USP39: variants seen among roughly 807,000 people sequenced by gnomAD.
USP39 encodes the protein ubiquitin specific peptidase 39, also known as ubiquitin carboxyl-terminal hydrolase 39.
A neutral mutation model predicts 66.4 loss-of-function variants in USP39; 38 were observed. The ratio of observed to expected loss-of-function variants is 0.57; its 90% CI spans 0.44 to 0.75. The LOEUF is 0.75. Among genes scored for constraint, USP39 ranks in the 30% least tolerant of loss-of-function variants. USP39 has a pLI of 0.00. For synonymous variants in USP39, 303 were observed against 274.6 expected (o/e 1.10, Z -1.02); for missense variants, 608 against 714.4 (o/e 0.85, Z 1.70).
intron 4 of USP39, among the ~76,000 whole-genome samples, chr2:85,624,309 C>T (rs552053945): frequency 4.6e-5 from 7 of 151,310 alleles, no homozygotes; most frequent in East Asian, 1.9e-4. Context: ...CTTTTCAGCA[C>T]GTGGGGTGTA....
intron 1 of USP39, 45 bp from the exon 2 acceptor site, chr2:85,619,175 G>A (rs1327469402): frequency 6.2e-7 from 1 of 1,604,246 alleles, no homozygotes; most frequent in East Asian, 2.2e-5. Context: ...TTGGCCCTGA[G>A]TATAGGTTTC....
upstream of USP39, chr2:85,611,734 G>T: frequency 1.2e-6 from 2 of 1,608,710 alleles, no homozygotes; most frequent in Non-Finnish European, 1.7e-6. Flanking sequence ...GGCGTGTGCC[G>T]CCTCCTCACC....
At chr2:85,614,135 T>C (rs961413128), upstream of USP39, among the ~76,000 whole-genome samples, 2 of 152,148 alleles carry the variant, frequency 1.3e-5, no homozygotes. Context: ...GGGATCCCTA[T>C]TCAGACCCCA....
intron 8 of USP39, 90 bp downstream of exon 8, chr2:85,637,526 C>T: frequency 7.2e-7 from 1 of 1,392,872 alleles, no homozygotes; most frequent in Admixed American, 1.8e-5. Context: ...ACTGACAAGC[C>T]TGCTTGCCCT....
At chr2:85,645,679 A>G (rs1676590543) in intron 11 of USP39, 1 of 152,340 alleles carries the variant, frequency 6.6e-6, no homozygotes, top group South Asian at 2.1e-4. Flanking sequence ...TATATATTTT[A>G]CAACACGAAG....
intron 1 of USP39, among the ~76,000 whole-genome samples, chr2:85,605,148 G>A (rs1673171564): frequency 1.3e-5 from 2 of 152,068 alleles, no homozygotes. Flanking sequence ...CAAAGCAAGA[G>A]ATGAGATTTC....
chr2:85,648,973 G>A lies in USP39; in HGVS notation c.*165G>A. The A allele has an allele frequency of 1.4e-6, 1 of 730,750 alleles. No individual in the cohort carries two copies. The highest frequency in any genetic ancestry group is 2.4e-6 in the Non-Finnish European group (1 of 419,874). The allele number at this position is 730,750 out of a possible 1,614,324, so 45.3% of individuals were successfully genotyped here. Reference sequence around the variant, plus strand: ...ACCAAGAGCCCACTTGCCTGGGATGGCCCCACACTGTCACTCAGCTGTTCT... The same window carrying A: ...ACCAAGAGCCCACTTGCCTGGGATGACCCCACACTGTCACTCAGCTGTTCT... On this transcript the variant is annotated 3_prime_UTR_variant, in exon 13 of 13. Transcript: ENST00000323701.
intron 2 of USP39, among the ~76,000 whole-genome samples, chr2:85,620,349 C>T (rs1326770775): frequency 6.6e-6 from 1 of 151,690 alleles, no homozygotes; most frequent in Non-Finnish European, 1.5e-5. Context: ...TGTGGTGGTG[C>T]ACTCCTGTAG....
chr2:85,604,799 A>T, intron 1 of USP39, among the ~76,000 whole-genome samples: 1 of 152,188 alleles, frequency 6.6e-6, no homozygotes, highest in Non-Finnish European at 1.5e-5. Flanking sequence ...TTAACACTAT[A>T]TCTTCTTGAG....
At chr2:85,613,121 A>G (rs13033295), upstream of USP39, among the ~76,000 whole-genome samples, 2 of 152,148 alleles carry the variant, frequency 1.3e-5, no homozygotes, top group Non-Finnish European at 2.9e-5. Flanking sequence ...AAACTTTGGG[A>G]TGCCGAAGTG....
At chr2:85,647,668 A>AC (rs972902232) in intron 11 of USP39, among the ~76,000 whole-genome samples, 6 of 151,812 alleles carry the variant, frequency 4.0e-5, no homozygotes, top group African/African-American at 1.5e-4. Context: ...CAAAAAAAAA[A>AC]AAAAACAAAA....
chr2:85,648,264 C>G lies in USP39; in HGVS notation c.1650+248C>G, dbSNP rs79997247. ...TGAGCAAAGAAAGTTGCGATTATGG[C>G]CAGGTTAGTTTTGCAGAAGTGTGCG... On this transcript the variant is annotated intron_variant, in intron 12 of 12. Transcript: ENST00000323701. Among the ~76,000 whole-genome samples the G allele has an allele frequency of 3.2e-4, 49 of 152,198 alleles. 1 individual carries two copies. The East Asian group carries it at 8.3e-3, about 26-fold the overall frequency.
chr2:85,616,611 T>A, intron 1 of USP39, 148 bp downstream of exon 1: 1 of 1,307,466 alleles, frequency 7.6e-7, no homozygotes, highest in South Asian at 1.7e-5. Context: ...GACTCGACGA[T>A]TCTGCTGTTC....
intron 1 of USP39, among the ~76,000 whole-genome samples, chr2:85,618,390 C>T (rs959180241): frequency 1.3e-5 from 2 of 151,776 alleles, no homozygotes; most frequent in Admixed American, 6.5e-5. Context: ...GGTGAAACCC[C>T]GTCTCTTCTA....
At chr2:85,646,426 A>G (rs549646726) in intron 11 of USP39, among the ~76,000 whole-genome samples, 1 of 152,328 alleles carries the variant, frequency 6.6e-6, no homozygotes, top group South Asian at 2.1e-4. Context: ...CACCTCCAAG[A>G]CAGATGTCAG....
intron 10 of USP39, among the ~76,000 whole-genome samples, chr2:85,643,143 A>T (rs1676371867): frequency 1.3e-5 from 2 of 151,934 alleles, no homozygotes; most frequent in Non-Finnish European, 2.9e-5. Context: ...TAAACGTAGT[A>T]TTTCTCTTTT....
intron 5 of USP39, among the ~76,000 whole-genome samples, chr2:85,629,157 G>A (rs1029015094): frequency 6.6e-6 from 1 of 151,058 alleles, no homozygotes; most frequent in South Asian, 2.2e-4. Context: ...TCTGCCTCCC[G>A]GGTCTAAGTG....
intron 2 of USP39, chr2:85,621,258 A>G (rs1343756627): frequency 1.4e-5 from 6 of 433,804 alleles, no homozygotes; most frequent in Non-Finnish European, 2.5e-5. Flanking sequence ...ACTAATGAGA[A>G]AGAGGCTCGT....
upstream of USP39, chr2:85,616,156 T>G (rs1404599653): frequency 1.4e-6 from 2 of 1,398,456 alleles, no homozygotes; most frequent in Non-Finnish European, 1.9e-6. Context: ...CGCTCGAGCG[T>G]GCTTGGCGCC....
Sources: allele counts gnomAD v4.1 joint callset (sites outside exome capture counted in the v4.1 genomes callset), GRCh38; gene constraint gnomAD v4.1.1; transcripts MANE v1.5; gene names NCBI Gene and HGNC (gene_info 2026-07-23, HGNC 2026-07-21).